Variants in ATP6V1H observed in about 807,000 individuals in gnomAD.
ATP6V1H encodes V-type proton ATPase subunit H.
A neutral mutation model predicts 71.7 loss-of-function variants in ATP6V1H; 39 were observed. That is an observed-to-expected ratio of 0.54 (90% CI 0.42 to 0.71). The LOEUF is 0.71. Among genes scored for constraint, ATP6V1H ranks in the 30% least tolerant of loss-of-function variants. The pLI is 0.00. For synonymous variants in ATP6V1H, 192 were observed against 199.3 expected, an observed-to-expected ratio of 0.96 and a Z score of 0.31; for missense variants, 509 against 594.9, an observed-to-expected ratio of 0.86 and a Z score of 1.50.
intron 11 of ATP6V1H, among the ~76,000 whole-genome samples, chr8:53,768,601 C>T (rs1808546404): frequency 6.6e-6 from 1 of 151,872 alleles, no homozygotes; most frequent in Non-Finnish European, 1.5e-5. Context: ...ATCATTCAAC[C>T]ATAAAAAGGA....
At chr8:53,798,585 C>T (rs1284454526) in intron 8 of ATP6V1H, among the ~76,000 whole-genome samples, 1 of 148,382 alleles carries the variant, frequency 6.7e-6, no homozygotes, top group African/African-American at 2.5e-5. Context: ...TTTCTCCTCA[C>T]ATTATTCCTA....
chr8:53,830,075 T>TC (rs1449282671), intron 3 of ATP6V1H, among the ~76,000 whole-genome samples: 6 of 152,184 alleles, frequency 3.9e-5, no homozygotes, highest in African/African-American at 1.4e-4. Context: ...ATGGGCTCCT[T>TC]CAGCCAATGA....
intron 13 of ATP6V1H, among the ~76,000 whole-genome samples, chr8:53,728,446 G>T (rs1401404192): frequency 6.6e-6 from 1 of 152,214 alleles, no homozygotes; most frequent in Non-Finnish European, 1.5e-5. Flanking sequence ...AAATAATGTA[G>T]AAATATTGGG....
intron 5 of ATP6V1H, among the ~76,000 whole-genome samples, chr8:53,816,473 A>C (rs1013262551): frequency 6.6e-6 from 1 of 152,168 alleles, no homozygotes; most frequent in South Asian, 2.1e-4. Context: ...ATTCTTCAGT[A>C]CTAGGGCTTC....
intron 13 of ATP6V1H, among the ~76,000 whole-genome samples, chr8:53,723,304 C>T (rs1351343282): frequency 6.6e-6 from 1 of 152,106 alleles, no homozygotes. Flanking sequence ...TCTCACAGAT[C>T]CTCTCTCCTC....
At position 53,784,994 on chromosome 8, in the gene ATP6V1H, G is replaced by C. The variant is rs547492612; in HGVS notation, c.870+10653C>G. Among the ~76,000 whole-genome samples, 4 of 152,132 alleles carry C rather than the reference G, an allele frequency of 2.6e-5. No individual in the cohort carries two copies. The South Asian group carries it at 8.3e-4, about 32-fold the overall frequency. ...CATTTTTTCCTTCATTTCAACTTTG[G>C]TGAATCTGACAATTATGTGTCTTGG... On this transcript the variant is annotated intron_variant, in intron 9 of 13. Transcript: ENST00000359530.
At chr8:53,818,459 C>A (rs1452097803) in intron 4 of ATP6V1H, among the ~76,000 whole-genome samples, 1 of 152,108 alleles carries the variant, frequency 6.6e-6, no homozygotes, top group African/African-American at 2.4e-5. Flanking sequence ...TATTGGTCTA[C>A]ACTAATAATT....
chr8:53,817,263 T>G (rs1376827755), intron 5 of ATP6V1H, among the ~76,000 whole-genome samples, 154 bp downstream of exon 5: 2 of 149,048 alleles, frequency 1.3e-5, no homozygotes, highest in African/African-American at 4.9e-5. Flanking sequence ...TCCAGCTGGG[T>G]GCAGTGGCTC....
chr8:53,768,161 G>A (rs1808532518), intron 11 of ATP6V1H, among the ~76,000 whole-genome samples: 2 of 152,070 alleles, frequency 1.3e-5, no homozygotes, highest in South Asian at 4.1e-4. Context: ...ATATACAAAT[G>A]GCCAATAAGC....
intron 4 of ATP6V1H, among the ~76,000 whole-genome samples, chr8:53,819,135 G>A (rs1293626043): frequency 6.6e-6 from 1 of 152,172 alleles, no homozygotes; most frequent in African/African-American, 2.4e-5. Flanking sequence ...GAGCCCAGGA[G>A]TTCGAGGCTG....
intron 12 of ATP6V1H, among the ~76,000 whole-genome samples, chr8:53,753,493 A>G (rs1307924688): frequency 6.6e-6 from 1 of 152,252 alleles, no homozygotes; most frequent in Non-Finnish European, 1.5e-5. Flanking sequence ...CCTTGGCAGC[A>G]GGTCAGGTGT....
chr8:53,759,861 T>A (rs1424558968), intron 11 of ATP6V1H, among the ~76,000 whole-genome samples: 1 of 152,232 alleles, frequency 6.6e-6, no homozygotes, highest in Non-Finnish European at 1.5e-5. Context: ...AATTAACTTT[T>A]ATACTTGCTA....
At chr8:53,806,236 A>G (rs1353790944) in intron 7 of ATP6V1H, among the ~76,000 whole-genome samples, 6 of 152,086 alleles carry the variant, frequency 3.9e-5, no homozygotes, top group African/African-American at 7.2e-5. Flanking sequence ...AAGAAAAATA[A>G]TATCTCTACC....
rs554555146 is a variant in ATP6V1H at position 53,745,193 on chromosome 8, G to A, written c.1278-1503C>T. Among the ~76,000 whole-genome samples the A allele has an allele frequency of 8.5e-5, 13 of 152,170 alleles. No homozygotes were observed. In the East Asian group the frequency reaches 1.5e-3, roughly 18 times the overall value. On this transcript the variant is annotated intron_variant, in intron 12 of 13. Coordinates refer to ENST00000359530, the MANE Select transcript of ATP6V1H (RefSeq NM_015941.4). ...GACAACTGCTTGAGCCCAGGAGTTC[G>A]AGACTAGCCTGGACAACACAATGAG...
intron 8 of ATP6V1H, among the ~76,000 whole-genome samples, chr8:53,797,725 C>T (rs1394016215): frequency 1.3e-5 from 2 of 151,692 alleles, no homozygotes; most frequent in East Asian, 1.9e-4. Flanking sequence ...AGTGGTTGGG[C>T]ATGGTGGCTC....
At chr8:53,769,965 T>G (rs754887510) in intron 10 of ATP6V1H, among the ~76,000 whole-genome samples, 3 of 152,142 alleles carry the variant, frequency 2.0e-5, no homozygotes, top group Non-Finnish European at 4.4e-5. Flanking sequence ...CTGTCAAATT[T>G]GAATGCTGGG....
intron 4 of ATP6V1H, among the ~76,000 whole-genome samples, chr8:53,820,502 T>C (rs1325812290): frequency 6.6e-6 from 1 of 151,478 alleles, no homozygotes; most frequent in Non-Finnish European, 1.5e-5. Flanking sequence ...TCTCTACAAT[T>C]AAAAAATTTT....
intron 2 of ATP6V1H, among the ~76,000 whole-genome samples, chr8:53,836,356 GCTTT>G (rs1210717526): frequency 6.6e-6 from 1 of 152,164 alleles, no homozygotes; most frequent in African/African-American, 2.4e-5. Context: ...TAATTTTGCA[GCTTT>G]CTTTTCCATT....
intron 12 of ATP6V1H, among the ~76,000 whole-genome samples, chr8:53,748,258 T>G (rs1289918360): frequency 6.6e-6 from 1 of 152,128 alleles, no homozygotes; most frequent in East Asian, 1.9e-4. Context: ...ATCATGTAAG[T>G]GATTAAAATA....
Sources: allele counts gnomAD v4.1 joint callset (sites outside exome capture counted in the v4.1 genomes callset), GRCh38; gene constraint gnomAD v4.1.1; transcripts MANE v1.5; gene names NCBI Gene and HGNC (gene_info 2026-07-23, HGNC 2026-07-21).